Variants in LEMD1 observed in about 807,000 individuals in gnomAD.
LEMD1 encodes the protein LEM domain containing 1, also known as LEM domain-containing protein 1.
LEMD1 carries 18 observed loss-of-function variants against 17.4 expected under a neutral mutation model. That is an observed-to-expected ratio of 1.04 (90% CI 0.72 to 1.54). LEMD1 has a LOEUF of 1.54. LEMD1 is among the 40% of genes most tolerant of loss of function. LEMD1 has a pLI of 0.00. For synonymous variants in LEMD1, 88 were observed against 77.8 expected (o/e 1.13, Z -0.69); for missense variants, 195 against 210.4 (o/e 0.93, Z 0.45).
chr1:205,396,030 C>T (rs968181349), intron 4 of LEMD1, among the ~76,000 whole-genome samples: 4 of 151,584 alleles, frequency 2.6e-5, no homozygotes, highest in African/African-American at 4.9e-5. Flanking sequence ...TTTTTTAAGA[C>T]AGGATCTTGC....
intron 1 of LEMD1, among the ~76,000 whole-genome samples, chr1:205,430,830 T>C (rs1183714868): frequency 6.6e-6 from 1 of 152,256 alleles, no homozygotes; most frequent in Non-Finnish European, 1.5e-5. Context: ...CGCTCAGTTT[T>C]AAACTCGCAG....
At chr1:205,418,446 C>T (rs1574992957) in intron 3 of LEMD1, among the ~76,000 whole-genome samples, 1 of 152,152 alleles carries the variant, frequency 6.6e-6, no homozygotes, top group Non-Finnish European at 1.5e-5. Flanking sequence ...CTGAAAGAGA[C>T]CAGCTGCTGT....
intron 2 of LEMD1, among the ~76,000 whole-genome samples, chr1:205,419,576 G>A (rs1453648746): frequency 1.3e-5 from 2 of 152,050 alleles, no homozygotes; most frequent in South Asian, 2.1e-4. Context: ...GCGATTCTCC[G>A]GCCTCAGCCC....
chr1:205,442,717 C>G (rs1283583140), intron 1 of LEMD1, among the ~76,000 whole-genome samples: 1 of 152,214 alleles, frequency 6.6e-6, no homozygotes, highest in African/African-American at 2.4e-5. Flanking sequence ...TACACACCCA[C>G]TCTGGTGGAG....
At chr1:205,408,128 G>A (rs539644674) in intron 4 of LEMD1, among the ~76,000 whole-genome samples, 5 of 152,284 alleles carry the variant, frequency 3.3e-5, no homozygotes, top group Admixed American at 2.6e-4. Flanking sequence ...AAAAGACATC[G>A]TTGGGACAGT....
At chr1:205,430,396 G>T (rs1018325062) in intron 1 of LEMD1, among the ~76,000 whole-genome samples, 5 of 152,198 alleles carry the variant, frequency 3.3e-5, no homozygotes, top group African/African-American at 9.7e-5. Flanking sequence ...ATGGATCCCA[G>T]TTGTAACTAG....
intron 3 of LEMD1, among the ~76,000 whole-genome samples, chr1:205,418,243 G>T (rs1386353600): frequency 6.6e-6 from 1 of 152,190 alleles, no homozygotes; most frequent in Non-Finnish European, 1.5e-5. Flanking sequence ...TTCTACTGTG[G>T]CTCATAGAGA....
intron 1 of LEMD1, among the ~76,000 whole-genome samples, chr1:205,434,504 C>T (rs1268099702): frequency 1.3e-5 from 2 of 152,028 alleles, no homozygotes; most frequent in African/African-American, 4.8e-5. Flanking sequence ...TTAAAAGCAC[C>T]TTTAAGACTA....
At chr1:205,432,972 C>G (rs1666148504) in intron 1 of LEMD1, among the ~76,000 whole-genome samples, 1 of 152,060 alleles carries the variant, frequency 6.6e-6, no homozygotes, top group African/African-American at 2.4e-5. Flanking sequence ...GATTGTGCCA[C>G]TGCACTCCAG....
intron 4 of LEMD1, among the ~76,000 whole-genome samples, chr1:205,395,603 A>G (rs1034027761): frequency 4.1e-4 from 63 of 152,078 alleles, no homozygotes; most frequent in African/African-American, 1.5e-3. Flanking sequence ...TCAAAAAAAA[A>G]AAAAAGAAAA....
chr1:205,415,955 T>C (rs1336350319), intron 4 of LEMD1, among the ~76,000 whole-genome samples: 1 of 151,914 alleles, frequency 6.6e-6, no homozygotes, highest in Non-Finnish European at 1.5e-5. Flanking sequence ...CAACAGATAG[T>C]GAAAATGGGG....
At chr1:205,401,573 G>A (rs904806441) in intron 4 of LEMD1, among the ~76,000 whole-genome samples, 1 of 152,016 alleles carries the variant, frequency 6.6e-6, no homozygotes, top group African/African-American at 2.4e-5. Context: ...ATTTGTTTGA[G>A]TTCATTGTAG....
At chr1:205,388,245 T>G (rs112648216) in intron 4 of LEMD1, among the ~76,000 whole-genome samples, 1,528 of 152,142 alleles carry the variant, frequency 0.01, 22 homozygotes, top group African/African-American at 0.035. Flanking sequence ...GTTGCCAGGA[T>G]GGCGTGCAGT....
At chr1:205,393,430 C>A (rs1664434597) in intron 4 of LEMD1, among the ~76,000 whole-genome samples, 1 of 150,962 alleles carries the variant, frequency 6.6e-6, no homozygotes, top group Non-Finnish European at 1.5e-5. Context: ...AATCCCAGCA[C>A]TTTGGGAGGC....
intron 4 of LEMD1, among the ~76,000 whole-genome samples, chr1:205,409,567 G>A (rs974152808): frequency 2.6e-5 from 4 of 151,756 alleles, no homozygotes; most frequent in African/African-American, 9.7e-5. Flanking sequence ...GTTAGTAGTA[G>A]AGCTGAGATT....
At chr1:205,427,007 G>T (rs1666066603), upstream of LEMD1, among the ~76,000 whole-genome samples, 1 of 152,100 alleles carries the variant, frequency 6.6e-6, no homozygotes, top group South Asian at 2.1e-4. Flanking sequence ...AGGAGCTCAG[G>T]AAGCCCCAGG....
chr1:205,384,087 C>T (rs2274704), intron 5 of LEMD1, among the ~76,000 whole-genome samples: 100,391 of 151,888 alleles, frequency 0.66, 33,319 homozygotes, highest in East Asian at 0.77. Context: ...CCAGTTCTCC[C>T]GGGCCTATTT....
chr1:205,414,513 C>A (rs1380203034), intron 4 of LEMD1, among the ~76,000 whole-genome samples: 1 of 152,064 alleles, frequency 6.6e-6, no homozygotes. Context: ...CAGCCTCAAC[C>A]TCCCAGGCTC....
intron 3 of LEMD1, 74 bp from the exon 4 acceptor site, chr1:205,416,370 C>T (rs6688045): frequency 0.83 from 848,922 of 1,028,582 alleles, 354,210 homozygotes; most frequent in East Asian, 1. Flanking sequence ...ACATCAATCA[C>T]CAGGGTGAAT....
Sources: gnomAD v4.1 joint callset for allele counts (sites outside exome capture counted in the v4.1 genomes callset) on GRCh38, gnomAD v4.1.1 for gene constraint, MANE v1.5 for transcripts, NCBI Gene and HGNC (gene_info 2026-07-23, HGNC 2026-07-21) for gene names.